Variants in RSRC1 observed in about 807,000 individuals in gnomAD.
RSRC1 encodes the protein arginine and serine rich coiled-coil 1.
In RSRC1, 39 loss-of-function variants were observed where a neutral mutation model predicts 49.1. The observed-to-expected ratio is 0.79, with a 90% CI of 0.61 to 1.04. The LOEUF is 1.04. Among genes scored for constraint, RSRC1 ranks in the 50% least tolerant of loss-of-function variants. The pLI is 0.00. For missense variants in RSRC1, 388 were observed against 402.4 expected (o/e 0.96, Z 0.31); for synonymous variants, 143 against 130.8 (o/e 1.09, Z -0.63).
intron 6 of RSRC1, among the ~76,000 whole-genome samples, chr3:158,384,803 C>T (rs1428174019): frequency 1.3e-5 from 2 of 152,072 alleles, no homozygotes; most frequent in African/African-American, 4.8e-5. Context: ...GTTAGCCAAA[C>T]TCGAACACTA....
At chr3:158,238,231 TGAAA>T (rs1293226339) in intron 4 of RSRC1, among the ~76,000 whole-genome samples, 1 of 152,114 alleles carries the variant, frequency 6.6e-6, no homozygotes, top group Non-Finnish European at 1.5e-5. Context: ...CACAAACAAA[TGAAA>T]GAACATTCCA....
At chr3:158,311,793 A>G (rs1355910057) in intron 5 of RSRC1, among the ~76,000 whole-genome samples, 1 of 152,152 alleles carries the variant, frequency 6.6e-6, no homozygotes, top group Admixed American at 6.5e-5. Context: ...TTCACAGTGT[A>G]TACATATATC....
intron 5 of RSRC1, among the ~76,000 whole-genome samples, chr3:158,343,726 G>T (rs764501054): frequency 8.5e-5 from 13 of 152,070 alleles, no homozygotes; most frequent in Non-Finnish European, 1.5e-4. Context: ...TGTAGAAAAT[G>T]GATTAGTGAG....
intron 6 of RSRC1, among the ~76,000 whole-genome samples, chr3:158,374,076 T>G (rs1732223593): frequency 6.6e-6 from 1 of 152,098 alleles, no homozygotes; most frequent in Non-Finnish European, 1.5e-5. Context: ...TGAACCAACT[T>G]TATTATATGC....
intron 3 of RSRC1, among the ~76,000 whole-genome samples, chr3:158,196,794 G>A (rs1000132235): frequency 6.6e-6 from 1 of 152,110 alleles, no homozygotes; most frequent in African/African-American, 2.4e-5. Flanking sequence ...TTAATATGCT[G>A]GATTATGCTT....
intron 5 of RSRC1, among the ~76,000 whole-genome samples, chr3:158,320,740 C>G (rs1728711084): frequency 6.6e-6 from 1 of 152,184 alleles, no homozygotes; most frequent in South Asian, 2.1e-4. Context: ...ATACAATCAT[C>G]TTGCTGTTTT....
chr3:158,383,623 T>TG (rs1732823262), intron 6 of RSRC1, among the ~76,000 whole-genome samples: 1 of 152,146 alleles, frequency 6.6e-6, no homozygotes, highest in Non-Finnish European at 1.5e-5. Context: ...CAAAAAGCCT[T>TG]GGGGGAATAC....
intron 8 of RSRC1, 38 bp downstream of exon 8, chr3:158,537,236 A>G: frequency 8.1e-7 from 1 of 1,228,710 alleles, no homozygotes; most frequent in African/African-American, 1.6e-5. Context: ...AAACCTTTGG[A>G]TTCTACCTGA....
chr3:158,275,647 A>G (rs1725765615), intron 4 of RSRC1, among the ~76,000 whole-genome samples: 2 of 152,232 alleles, frequency 1.3e-5, no homozygotes, highest in Non-Finnish European at 2.9e-5. Context: ...AACAAGACAC[A>G]CCATCACTTA....
intron 3 of RSRC1, among the ~76,000 whole-genome samples, chr3:158,178,895 A>T (rs1013258239): frequency 6.6e-6 from 1 of 152,086 alleles, no homozygotes; most frequent in African/African-American, 2.4e-5. Context: ...TTTTATTTTT[A>T]AATTGTCGTT....
At chr3:158,448,708 T>C (rs1736863840) in intron 6 of RSRC1, among the ~76,000 whole-genome samples, 1 of 151,852 alleles carries the variant, frequency 6.6e-6, no homozygotes, top group African/African-American at 2.4e-5. Flanking sequence ...AGCAGTGAAA[T>C]AGATTATCAA....
At chr3:158,146,714 C>A (rs1426726854) in intron 3 of RSRC1, among the ~76,000 whole-genome samples, 2 of 152,116 alleles carry the variant, frequency 1.3e-5, no homozygotes, top group Admixed American at 1.3e-4. Flanking sequence ...GTACCAGCTC[C>A]TCCTTGTACC....
At chr3:158,510,821 C>T in intron 7 of RSRC1, among the ~76,000 whole-genome samples, 1 of 151,974 alleles carries the variant, frequency 6.6e-6, no homozygotes, top group Non-Finnish European at 1.5e-5. Flanking sequence ...CTTGATTTTT[C>T]TTCTATGAAT....
intron 2 of RSRC1, 128 bp downstream of exon 2, chr3:158,122,426 A>C: frequency 1.5e-6 from 1 of 685,582 alleles, no homozygotes; most frequent in Non-Finnish European, 2.2e-6. Context: ...GAAAGTCCCA[A>C]CCCAGAGTTT....
At chr3:158,124,601 G>A (rs1397996268) in intron 3 of RSRC1, among the ~76,000 whole-genome samples, 1 of 152,088 alleles carries the variant, frequency 6.6e-6, no homozygotes, top group Non-Finnish European at 1.5e-5. Flanking sequence ...CTCCTTGTTA[G>A]TTATACGTCT....
At chr3:158,373,240 A>AT (rs1407152493) in intron 6 of RSRC1, among the ~76,000 whole-genome samples, 6 of 151,852 alleles carry the variant, frequency 4.0e-5, no homozygotes, top group African/African-American at 1.4e-4. Context: ...TTTTTACCTT[A>AT]TTACTGTAGC....
chr3:158,512,012 G>C (rs1578561497), intron 7 of RSRC1, among the ~76,000 whole-genome samples: 1 of 147,796 alleles, frequency 6.8e-6, no homozygotes, highest in African/African-American at 2.5e-5. Flanking sequence ...GTAGATTCTG[G>C]ATATTAGCCC....
At chr3:158,404,080 G>T (rs1734029510) in intron 6 of RSRC1, among the ~76,000 whole-genome samples, 1 of 151,738 alleles carries the variant, frequency 6.6e-6, no homozygotes, top group Non-Finnish European at 1.5e-5. Context: ...TAGTCCTTGG[G>T]GGTGACAGCT....
rs1223347075 is a variant in RSRC1 at position 158,517,578 on chromosome 3, AT to A, written c.653-19513del. 5.4e-5 allele frequency among the ~76,000 whole-genome samples: 8 copies of A among 146,948 alleles called. No homozygotes were observed. The South Asian group carries it at 8.8e-4, about 16-fold the overall frequency. Reference sequence around the variant, plus strand: ...TTTATTTTGTTTCAACTTCAAGTAAATAGTAAGTTTTGTTAGACTTTTTTTT... The same window carrying A: ...TTTATTTTGTTTCAACTTCAAGTAAAAGTAAGTTTTGTTAGACTTTTTTTT... On this transcript the variant is annotated intron_variant, in intron 7 of 9. Coordinates refer to ENST00000611884, the MANE Select transcript of RSRC1 (RefSeq NM_001271838.2).
Sources: gnomAD v4.1 joint callset for allele counts (sites outside exome capture counted in the v4.1 genomes callset) on GRCh38, gnomAD v4.1.1 for gene constraint, MANE v1.5 for transcripts, NCBI Gene and HGNC (gene_info 2026-07-23, HGNC 2026-07-21) for gene names.